LRRC1: variants seen among roughly 807,000 people sequenced by gnomAD.
LRRC1 encodes leucine rich repeat containing 1.
LRRC1 carries 28 observed loss-of-function variants against 69.9 expected under a neutral mutation model. The observed-to-expected ratio is 0.40, with a 90% CI of 0.30 to 0.55. The LOEUF (loss-of-function observed/expected upper bound fraction) is 0.55. Ranked by LOEUF, LRRC1 falls within the 20% of genes least tolerant of loss-of-function variation. The pLI is 0.47. For missense variants in LRRC1, 498 were observed against 609.0 expected (o/e 0.82, Z 1.92); for synonymous variants, 236 against 240.2 (o/e 0.98, Z 0.16).
intron 1 of LRRC1, among the ~76,000 whole-genome samples, chr6:53,826,482 T>G (rs753823439): frequency 6.6e-5 from 10 of 152,220 alleles, no homozygotes; most frequent in Non-Finnish European, 1.5e-4. Context: ...TAAGGTGCCC[T>G]GTTCTGAAGG....
chr6:53,881,855 C>T (rs1767300628), intron 3 of LRRC1, among the ~76,000 whole-genome samples: 2 of 152,052 alleles, frequency 1.3e-5, no homozygotes, highest in Admixed American at 1.3e-4. Flanking sequence ...TTAGGTTTTC[C>T]TTCCCTCCCT....
At chr6:53,805,617 A>G (rs752294991) in intron 1 of LRRC1, among the ~76,000 whole-genome samples, 1 of 152,126 alleles carries the variant, frequency 6.6e-6, no homozygotes, top group African/African-American at 2.4e-5. Flanking sequence ...CAGTTTATTC[A>G]TCTGTAAAAA....
At chr6:53,830,059 C>T (rs561474793) in intron 1 of LRRC1, among the ~76,000 whole-genome samples, 1 of 152,192 alleles carries the variant, frequency 6.6e-6, no homozygotes, top group Admixed American at 6.5e-5. Flanking sequence ...ATTTTAAGAG[C>T]TGAGCTGCAA....
At chr6:53,806,274 C>T (rs1451104270) in intron 1 of LRRC1, among the ~76,000 whole-genome samples, 1 of 152,180 alleles carries the variant, frequency 6.6e-6, no homozygotes, top group Non-Finnish European at 1.5e-5. Context: ...GTGGTTGGTG[C>T]AGAGCAGACC....
intron 1 of LRRC1, among the ~76,000 whole-genome samples, chr6:53,814,696 A>G (rs6920743): frequency 0.83 from 125,601 of 152,226 alleles, 52,019 homozygotes; most frequent in East Asian, 0.92. Flanking sequence ...GCTAACGTTA[A>G]ATTTTCTTAT....
At chr6:53,912,241 T>C (rs1768435434) in intron 10 of LRRC1, among the ~76,000 whole-genome samples, 1 of 152,184 alleles carries the variant, frequency 6.6e-6, no homozygotes. Flanking sequence ...ATGTGGTATT[T>C]TGTGCTGTCA....
At chr6:53,826,499 T>G (rs1352259891) in intron 1 of LRRC1, among the ~76,000 whole-genome samples, 1 of 152,174 alleles carries the variant, frequency 6.6e-6, no homozygotes, top group Admixed American at 6.5e-5. Flanking sequence ...AAGGTGCCCA[T>G]GTGCAGTTAG....
intron 2 of LRRC1, among the ~76,000 whole-genome samples, chr6:53,870,322 A>G (rs1766840949): frequency 6.6e-6 from 1 of 152,036 alleles, no homozygotes; most frequent in Admixed American, 6.5e-5. Context: ...TACCTAACAG[A>G]CATACCTTTC....
chr6:53,827,313 A>C (rs943910668), intron 1 of LRRC1, among the ~76,000 whole-genome samples: 1 of 151,468 alleles, frequency 6.6e-6, no homozygotes, highest in African/African-American at 2.4e-5. Flanking sequence ...ACTTCCACAA[A>C]AAAAAAAAAA....
chr6:53,861,706 G>T (rs1304682396), intron 2 of LRRC1, among the ~76,000 whole-genome samples: 1 of 152,078 alleles, frequency 6.6e-6, no homozygotes, highest in Non-Finnish European at 1.5e-5. Context: ...CTGGAAAAGT[G>T]TGTTCACTCC....
At chr6:53,893,751 G>A (rs898351847) in intron 4 of LRRC1, among the ~76,000 whole-genome samples, 1 of 152,166 alleles carries the variant, frequency 6.6e-6, no homozygotes, top group South Asian at 2.1e-4. Flanking sequence ...TGTTGTTGAT[G>A]TATCACCCAT....
At chr6:53,839,172 T>A (rs988687054) in intron 1 of LRRC1, among the ~76,000 whole-genome samples, 4 of 152,162 alleles carry the variant, frequency 2.6e-5, no homozygotes, top group African/African-American at 4.8e-5. Flanking sequence ...CACATAATAG[T>A]GCAAAGATGT....
At chr6:53,902,375 G>A (rs1562067521) in intron 8 of LRRC1, among the ~76,000 whole-genome samples, 1 of 152,038 alleles carries the variant, frequency 6.6e-6, no homozygotes, top group Admixed American at 6.6e-5. Context: ...TCTTGGCTTT[G>A]ATGCAATGTT....
intron 3 of LRRC1, among the ~76,000 whole-genome samples, chr6:53,880,696 A>G (rs1158036614): frequency 1.3e-5 from 2 of 152,128 alleles, no homozygotes; most frequent in Non-Finnish European, 2.9e-5. Context: ...CTCTCTGTGT[A>G]CTTTTTTCAT....
chr6:53,845,946 TC>T (rs1380431636), intron 2 of LRRC1, among the ~76,000 whole-genome samples: 2 of 152,104 alleles, frequency 1.3e-5, no homozygotes, highest in African/African-American at 4.8e-5. Context: ...CCCTGCACCC[TC>T]CCATGTGGAA....
intron 1 of LRRC1, among the ~76,000 whole-genome samples, chr6:53,809,669 C>T (rs1283007965): frequency 2.0e-5 from 3 of 152,184 alleles, no homozygotes; most frequent in Non-Finnish European, 4.4e-5. Context: ...TTTTCAGATA[C>T]AGGTACAAGG....
chr6:53,901,054 TG>T (rs1332502348), intron 8 of LRRC1, among the ~76,000 whole-genome samples: 1 of 41,832 alleles, frequency 2.4e-5, no homozygotes, highest in African/African-American at 8.2e-5. Context: ...GTAGGGGTTT[TG>T]GCTCTATGCG....
intron 11 of LRRC1, among the ~76,000 whole-genome samples, chr6:53,916,791 G>A (rs1294421388): frequency 6.6e-6 from 1 of 152,180 alleles, no homozygotes; most frequent in Non-Finnish European, 1.5e-5. Flanking sequence ...TTAATCAGTA[G>A]GCCATGCTTA....
rs1437294735 is a variant in LRRC1, at chr6:53,842,142, T to C, written c.192T>C (p.Leu64=). 2 of 1,613,848 alleles carry C rather than the reference T, an allele frequency of 1.2e-6. No individual in the cohort carries two copies. The highest frequency in any genetic ancestry group is 1.3e-5 in the African/African-American group (1 of 75,044). Residue 64 remains leucine (L), a synonymous_variant, in exon 2 of 14, where the codon CTT becomes CTC. Transcript: ENST00000370888. ...QFFQLVKLRK[L]GLSDNEIQRL... is the part of the protein sequence containing the mutation. ...TCCAGCTAGTCAAATTACGAAAGCT[T>C]GGACTTAGTGATAATGAAATTCAGC... is the stretch of plus-strand genomic sequence containing the variant.
Sources: allele counts gnomAD v4.1 joint callset (sites outside exome capture counted in the v4.1 genomes callset), GRCh38; gene constraint gnomAD v4.1.1; transcripts MANE v1.5; gene names NCBI Gene and HGNC (gene_info 2026-07-23, HGNC 2026-07-21).